The following PER3 variants were observed in gnomAD, a reference collection of about 807,000 sequenced individuals.
PER3 encodes the protein period circadian protein homolog 3.
A neutral mutation model predicts 127.2 loss-of-function variants in PER3; 107 were observed. That is an observed-to-expected ratio of 0.84 (90% CI 0.72 to 0.99). The LOEUF is 0.99. Ranked by LOEUF, PER3 falls within the 50% of genes least tolerant of loss-of-function variation. PER3 has a pLI of 0.00. For synonymous variants in PER3, 618 were observed against 585.8 expected, an observed-to-expected ratio of 1.05 and a Z score of -0.79; for missense variants, 1,560 against 1,525.8, an observed-to-expected ratio of 1.02 and a Z score of -0.37.
rs1441919068 is a variant in PER3, at chr1:7,803,845, G to A, written c.1133G>A (p.Arg378Gln). 16 of 1,611,620 alleles carry A rather than the reference G, an allele frequency of 9.9e-6. No individual in the cohort carries two copies. Among genetic ancestry groups the A allele is most frequent in the South Asian group, 7.7e-5 (7 of 90,530 alleles). The change falls in exon 10 of 22, where the codon CGA becomes CAA. Residue 378 changes from arginine (R) to glutamine (Q), a missense_variant. Physicochemically the swap from Arg to Gln is conservative, Grantham distance 43. Around this residue, in one of 3 missense-constraint regions of PER3, gnomAD observed 1,332 missense variants for 1,223.6 expected, o/e 1.09. Coordinates refer to ENST00000377532, the MANE Select transcript of PER3 (RefSeq NM_001377275.1). ...TTCATCATTGGTCGGCATAAAGTTC[G>A]AACGTAAGCCAGTCAGTTTTCATAT... ...ISFIIGRHKV[R>Q]TSPLNEDVFA...
chr1:7,799,725 A>T (rs2097161926), intron 7 of PER3, among the ~76,000 whole-genome samples: 2 of 151,554 alleles, frequency 1.3e-5, no homozygotes, highest in Admixed American at 6.6e-5. Context: ...TAGCAGGTAG[A>T]TGTTTGAGGT....
rs1447575834 is a variant in PER3 at position 7,816,631 on chromosome 1, C to T, written c.1523-2654C>T. 2.7e-5 allele frequency among the ~76,000 whole-genome samples: 4 copies of T among 149,016 alleles called. No individual in the cohort carries two copies. In the South Asian group the frequency reaches 6.2e-4, roughly 23 times the overall value. ...AAAATGTAAACCATATGAGATAACA[C>T]CACACATCTGTGAGAATGGCTAAGT... is the stretch of plus-strand genomic sequence containing the variant. On this transcript the variant is annotated intron_variant, in intron 13 of 21. Coordinates refer to ENST00000377532, the MANE Select transcript of PER3 (RefSeq NM_001377275.1).
intron 7 of PER3, among the ~76,000 whole-genome samples, chr1:7,800,889 A>G (rs970912236): frequency 1.1e-4 from 17 of 151,814 alleles, no homozygotes; most frequent in Non-Finnish European, 2.1e-4. Flanking sequence ...TCTGTTTAAA[A>G]TTGACTTTAA....
At chr1:7,814,561 C>G (rs918065784) in intron 13 of PER3, among the ~76,000 whole-genome samples, 1 of 152,114 alleles carries the variant, frequency 6.6e-6, no homozygotes, top group African/African-American at 2.4e-5. Context: ...AGCACACTTA[C>G]TCCACAAGAA....
intron 17 of PER3, 29 bp from the exon 18 acceptor site, chr1:7,827,089 A>G: frequency 6.6e-7 from 1 of 1,512,854 alleles, no homozygotes; most frequent in Non-Finnish European, 8.9e-7. Context: ...TTAATTTTCC[A>G]TAATTTGCCT....
chr1:7,833,022 T>G (rs1053655818), intron 19 of PER3, among the ~76,000 whole-genome samples: 29 of 152,138 alleles, frequency 1.9e-4, no homozygotes, highest in African/African-American at 6.8e-4. Context: ...TATTTCTAAT[T>G]TCACTTGTAT....
intron 2 of PER3, 62 bp from the exon 3 acceptor site, chr1:7,785,379 C>A: frequency 7.3e-7 from 1 of 1,367,340 alleles, no homozygotes; most frequent in Non-Finnish European, 1.0e-6. Flanking sequence ...GTTTGTGTTC[C>A]CTAAGCCGCA....
At position 7,785,557 on chromosome 1, in the gene PER3, A is replaced by G. The variant is rs2097083857; in HGVS notation, c.245A>G (p.Tyr82Cys). The G allele has an allele frequency of 6.8e-6, 11 of 1,613,694 alleles. No homozygotes were observed. The highest frequency in any genetic ancestry group is 1.1e-5 in the South Asian group (1 of 91,080). The change falls in exon 3 of 22, where the codon TAT (tyrosine) becomes TGT (cysteine). Residue 82 changes from tyrosine to cysteine, a missense_variant. This residue lies in a region of PER3 where 1,332 missense variants were observed against 1,223.6 expected (regional missense o/e 1.09). Coordinates refer to ENST00000377532, the MANE Select transcript of PER3 (RefSeq NM_001377275.1). ...NKPSTLDALN[Y>C]ALRCVHSVQA... ...CCAAGCACTCTAGATGCCCTCAACT[A>G]TGCTCTCCGCTGTGTCCACAGCGTT...
chr1:7,807,525 GA>G (rs1476491556), intron 10 of PER3, among the ~76,000 whole-genome samples: 1 of 152,176 alleles, frequency 6.6e-6, no homozygotes, highest in Non-Finnish European at 1.5e-5. Context: ...TGGCATAATG[GA>G]AAAAGGACAG....
chr1:7,841,584 A>G (rs1267807374), intron 21 of PER3, among the ~76,000 whole-genome samples: 1 of 151,900 alleles, frequency 6.6e-6, no homozygotes, highest in Non-Finnish European at 1.5e-5. Flanking sequence ...GTTCAGATAG[A>G]CTCGAGTTCC....
intron 13 of PER3, 21 bp downstream of exon 13, chr1:7,810,609 A>G: frequency 6.3e-7 from 1 of 1,596,994 alleles, no homozygotes; most frequent in Non-Finnish European, 8.5e-7. Context: ...CGGCAGCCCC[A>G]AGGATCTCCT....
intron 19 of PER3, among the ~76,000 whole-genome samples, chr1:7,831,056 C>A (rs1163366341): frequency 6.6e-6 from 1 of 152,158 alleles, no homozygotes; most frequent in East Asian, 1.9e-4. Context: ...ATGATCAATA[C>A]GTGAATAATT....
chr1:7,844,862 A>G lies in PER3; in HGVS notation c.*2107A>G, dbSNP rs1169437410. ...TTGTTTAAATTTGTTAACTTTTTAT[A>G]TTAATGACTATTGAAAGTGGTAATA... On this transcript the variant is annotated 3_prime_UTR_variant, in exon 22 of 22. Coordinates refer to ENST00000377532, the MANE Select transcript of PER3 (RefSeq NM_001377275.1). 1 of 152,320 alleles carries G rather than the reference A, an allele frequency of 6.6e-6. No individual in the cohort carries two copies. The highest frequency in any genetic ancestry group is 2.4e-5 in the African/African-American group (1 of 41,462). 9.4% of individuals were successfully genotyped at this position (152,320 alleles called of 1,614,324 possible).
At chr1:7,792,098 T>G (rs2097124407) in intron 5 of PER3, among the ~76,000 whole-genome samples, 1 of 152,204 alleles carries the variant, frequency 6.6e-6, no homozygotes, top group African/African-American at 2.4e-5. Flanking sequence ...TCCATTCTCA[T>G]GCTGCTAATA....
rs2097212137 is a variant in PER3, at chr1:7,809,986, A to G, written c.1336A>G (p.Ser446Gly). The G allele has an allele frequency of 6.2e-7, 1 of 1,614,044 alleles. No individual in the cohort carries two copies. ...LVSIASSSEA[S>G]GHRVEETKAE... ...CAGCATCGCCTCCTCCAGTGAGGCC[A>G]GTGGGCACCGTGTGGAGGAGACGAA... The change falls in exon 12 of 22, where the codon AGT (serine) becomes GGT (glycine). Residue 446 changes from serine (S) to glycine (G), a missense_variant. Ser to Gly is a moderately conservative substitution (Grantham distance 56). Around this residue, in one of 3 missense-constraint regions of PER3, gnomAD observed 1,332 missense variants for 1,223.6 expected, o/e 1.09. Coordinates refer to ENST00000377532, the MANE Select transcript of PER3 (RefSeq NM_001377275.1).
At chr1:7,842,485 G>GC (rs1558495275) in intron 21 of PER3, 187 bp from the exon 22 acceptor site, 2 of 308,228 alleles carry the variant, frequency 6.5e-6, no homozygotes, top group African/African-American at 4.6e-5. Flanking sequence ...GGGTGACACC[G>GC]CAAGACTCTG....
chr1:7,786,072 C>T (rs1388847043), intron 3 of PER3, among the ~76,000 whole-genome samples: 3 of 152,074 alleles, frequency 2.0e-5, no homozygotes, highest in East Asian at 1.9e-4. Context: ...CTGGCTAATA[C>T]GGTGAAACCC....
intron 16 of PER3, among the ~76,000 whole-genome samples, chr1:7,821,653 A>T (rs2097277090): frequency 6.6e-6 from 1 of 151,932 alleles, no homozygotes; most frequent in Non-Finnish European, 1.5e-5. Context: ...TGCTTTCTAT[A>T]CTCTGCTCTT....
intron 11 of PER3, 60 bp from the exon 12 acceptor site, chr1:7,809,833 C>G (rs1409503645): frequency 1.3e-6 from 2 of 1,528,512 alleles, no homozygotes; most frequent in Non-Finnish European, 1.8e-6. Flanking sequence ...TAGATGAGCT[C>G]TGCGGTGGCT....
Sources: gnomAD v4.1 joint callset for allele counts (sites outside exome capture counted in the v4.1 genomes callset) on GRCh38, gnomAD v4.1.1 for gene constraint, gnomAD v4.1.1 regional missense constraint, MANE v1.5 for transcripts, NCBI Gene and HGNC (gene_info 2026-07-23, HGNC 2026-07-21) for gene names.